NLRP1: variants seen among roughly 807,000 people sequenced by gnomAD.
NLRP1 encodes NACHT, LRR and PYD domains-containing protein 1.
NLRP1 carries 94 observed loss-of-function variants against 136.7 expected under a neutral mutation model. That is an observed-to-expected ratio of 0.69 (90% CI 0.58 to 0.82). The LOEUF (loss-of-function observed/expected upper bound fraction) is 0.82. Among genes scored for constraint, NLRP1 ranks in the 40% least tolerant of loss-of-function variants. NLRP1 has a pLI of 0.00. For synonymous variants in NLRP1, 690 were observed against 725.1 expected, an observed-to-expected ratio of 0.95 and a Z score of 0.78; for missense variants, 1,575 against 1,802.7, an observed-to-expected ratio of 0.87 and a Z score of 2.29.
chr17:5,545,721 T>C (rs901998156), intron 5 of NLRP1, among the ~76,000 whole-genome samples: 1 of 152,208 alleles, frequency 6.6e-6, no homozygotes, highest in Non-Finnish European at 1.5e-5. Context: ...CTGGCAGATG[T>C]GGCTCTGTGC....
chr17:5,508,070 G>T (rs1165188506), intron 15 of NLRP1, among the ~76,000 whole-genome samples: 4 of 152,140 alleles, frequency 2.6e-5, no homozygotes, highest in Non-Finnish European at 5.9e-5. Context: ...GGAGGCGGAG[G>T]TTGCGGTGAG....
At chr17:5,561,859 G>A (rs1041614406) in intron 3 of NLRP1, among the ~76,000 whole-genome samples, 3 of 152,196 alleles carry the variant, frequency 2.0e-5, no homozygotes, top group African/African-American at 4.8e-5. Flanking sequence ...GTAGCCAGGC[G>A]GGCAATGTCT....
chr17:5,534,867 C>T (rs537124232), intron 8 of NLRP1, among the ~76,000 whole-genome samples: 2 of 152,332 alleles, frequency 1.3e-5, no homozygotes, highest in East Asian at 3.9e-4. Flanking sequence ...TCCTGGCTCA[C>T]TGACCTCTAG....
chr17:5,557,671 C>T (rs1032538519), intron 4 of NLRP1, among the ~76,000 whole-genome samples: 1 of 152,154 alleles, frequency 6.6e-6, no homozygotes, highest in Non-Finnish European at 1.5e-5. Context: ...AGCATGTGAT[C>T]GATACCACGA....
At chr17:5,569,435 C>G (rs770537018) in intron 3 of NLRP1, among the ~76,000 whole-genome samples, 1 of 152,110 alleles carries the variant, frequency 6.6e-6, no homozygotes, top group Non-Finnish European at 1.5e-5. Context: ...AAAAATCTAC[C>G]AAGCAAATGG....
chr17:5,518,000 T>C, intron 14 of NLRP1, 113 bp from the exon 15 acceptor site: 2 of 957,572 alleles, frequency 2.1e-6, no homozygotes, highest in Non-Finnish European at 3.1e-6. Flanking sequence ...TGATGATCCC[T>C]GTACTGAAAT....
At chr17:5,510,070 C>CT (rs749349135), downstream of NLRP1, among the ~76,000 whole-genome samples, 755 of 148,610 alleles carry the variant, frequency 5.1e-3, 8 homozygotes, top group African/African-American at 0.016. Flanking sequence ...TATTCTTCTT[C>CT]TTCTTTTTTT....
At chr17:5,557,859 T>G (rs1224517789) in intron 4 of NLRP1, among the ~76,000 whole-genome samples, 1 of 152,126 alleles carries the variant, frequency 6.6e-6, no homozygotes, top group Non-Finnish European at 1.5e-5. Context: ...TAGGAAACTC[T>G]TTTTGAGAGC....
chr17:5,515,089 G>A lies in NLRP1; in HGVS notation c.4103-16C>T, dbSNP rs763121948. On this transcript the variant is annotated splice_polypyrimidine_tract_variant and intron_variant, in intron 16 of 16. Coordinates refer to ENST00000572272, the MANE Select transcript of NLRP1 (RefSeq NM_033004.4). ...GAAGGTACGGCTGGCAACGAACAAA[G>A]AAGGGCTCCAACCACAGCCTCCACC... 2 of 1,611,064 alleles carry A rather than the reference G, an allele frequency of 1.2e-6. No individual in the cohort carries two copies. The highest frequency in any genetic ancestry group is 2.2e-5 in the South Asian group (2 of 90,976).
Position 5,533,983 on chromosome 17 carries a change from G to A in NLRP1, c.2966C>T (p.Pro989Leu). Residue 989 changes from proline (P) to leucine (L), a missense_variant, in exon 9 of 17, where the codon CCA becomes CTA. Coordinates refer to ENST00000572272, the MANE Select transcript of NLRP1 (RefSeq NM_033004.4). Reference sequence around the variant, plus strand: ...GCCCTCAGTAGGGGTCATCACACTTGGTTTCCTGGACAAAGAATTGTTCAT... The same window carrying A: ...GCCCTCAGTAGGGGTCATCACACTTAGTTTCCTGGACAAAGAATTGTTCAT... ...PQLLIFSRRK[P>L]SVMTPTEGLD... 6.2e-7 allele frequency: 1 copy of A among 1,606,814 alleles called. No individual in the cohort carries two copies. The highest frequency in any genetic ancestry group is 2.2e-5 in the East Asian group (1 of 44,838).
chr17:5,573,601 A>G (rs1265365120), intron 3 of NLRP1, among the ~76,000 whole-genome samples: 10 of 152,166 alleles, frequency 6.6e-5, no homozygotes, highest in African/African-American at 2.4e-4. Context: ...ACAGCCGTCT[A>G]CCTCTCTGAG....
chr17:5,519,026 G>A (rs1365974864), intron 14 of NLRP1, among the ~76,000 whole-genome samples: 2 of 148,006 alleles, frequency 1.4e-5, no homozygotes, highest in African/African-American at 2.5e-5. Flanking sequence ...TTTTTGAGAC[G>A]GAGTCTCGCT....
intron 11 of NLRP1, among the ~76,000 whole-genome samples, chr17:5,531,269 G>A (rs910884157): frequency 2.0e-5 from 3 of 151,766 alleles, no homozygotes; most frequent in Non-Finnish European, 2.9e-5. Flanking sequence ...AGGCTGGAGC[G>A]CAGTGGCCCG....
chr17:5,511,439 T>TAAAAAAAAA (rs60642771), downstream of NLRP1, among the ~76,000 whole-genome samples: 2 of 137,346 alleles, frequency 1.5e-5, no homozygotes, highest in Non-Finnish European at 3.1e-5. Flanking sequence ...AGCCTCCGTC[T>TAAAAAAAAA]AAAAAAAAAA....
chr17:5,506,992 C>A (rs1220482938), intron 15 of NLRP1, among the ~76,000 whole-genome samples: 1 of 150,272 alleles, frequency 6.7e-6, no homozygotes, highest in South Asian at 2.1e-4. Flanking sequence ...GAAGCAAGCA[C>A]AAAAGGACAA....
chr17:5,531,815 A>G (rs1462739003), intron 11 of NLRP1, among the ~76,000 whole-genome samples: 1 of 152,240 alleles, frequency 6.6e-6, no homozygotes, highest in Non-Finnish European at 1.5e-5. Context: ...TAGGGTCCCC[A>G]GCTACTAGTA....
chr17:5,547,308 T>C (rs1192598693), intron 5 of NLRP1, among the ~76,000 whole-genome samples: 1 of 152,144 alleles, frequency 6.6e-6, no homozygotes, highest in Non-Finnish European at 1.5e-5. Context: ...ATAGCATACA[T>C]GATCTCCTTT....
intron 3 of NLRP1, among the ~76,000 whole-genome samples, 200 bp downstream of exon 3, chr17:5,581,659 G>A (rs527498294): frequency 1.4e-4 from 21 of 152,334 alleles, no homozygotes; most frequent in Admixed American, 1.4e-3. Context: ...TAACACATCT[G>A]TATTTTAATG....
chr17:5,539,754 T>C, intron 6 of NLRP1, 169 bp from the exon 7 acceptor site: 1 of 861,308 alleles, frequency 1.2e-6, no homozygotes, highest in South Asian at 5.3e-5. Flanking sequence ...AGATTTTCAC[T>C]TTCCTCTTGC....
Sources: allele counts gnomAD v4.1 joint callset (sites outside exome capture counted in the v4.1 genomes callset), GRCh38; gene constraint gnomAD v4.1.1; transcripts MANE v1.5; gene names NCBI Gene and HGNC (gene_info 2026-07-23, HGNC 2026-07-21).